PLCL2: variants seen among roughly 807,000 people sequenced by gnomAD.
The protein encoded by PLCL2 is inactive phospholipase C-like protein 2.
PLCL2 carries 4 observed loss-of-function variants against 79.6 expected under a neutral mutation model. The observed-to-expected ratio is 0.05, with a 90% CI of 0.02 to 0.11. The LOEUF (loss-of-function observed/expected upper bound fraction) is 0.11, where lower values mean the gene tolerates loss of function less well. PLCL2 is among the 10% of genes least tolerant of loss of function. The probability of loss-of-function intolerance (pLI) is 1.00; values close to 1 mark genes in which losing one functional copy is unlikely to be tolerated. For missense variants in PLCL2, 895 were observed against 1,291.0 expected (o/e 0.69, Z 4.70); for synonymous variants, 484 against 457.7 (o/e 1.06, Z -0.73).
chr3:17,040,078 A>C lies in PLCL2; in HGVS notation c.3019-2796A>C, dbSNP rs59088532. ...CCACCTTTTTAGTTATTCTTTGTGC[A>C]TCTGTTTTATTTCTGTACCATAGTC... On this transcript the variant is annotated intron_variant, in intron 3 of 5. Coordinates refer to ENST00000615277, the MANE Select transcript of PLCL2 (RefSeq NM_001144382.2). Among the ~76,000 whole-genome samples, 617 of 152,286 alleles carry C rather than the reference A, an allele frequency of 4.1e-3. 6 individuals carry two copies. The highest frequency in any genetic ancestry group is 0.014 in the African/African-American group (584 of 41,566).
At chr3:16,962,249 AT>A (rs2063762071) in intron 1 of PLCL2, among the ~76,000 whole-genome samples, 1 of 152,172 alleles carries the variant, frequency 6.6e-6, no homozygotes, top group South Asian at 2.1e-4. Flanking sequence ...TGATCAGTTG[AT>A]TTAGTATGAA....
rs2064121355 is a variant in PLCL2 at position 16,993,204 on chromosome 3, A to T, written c.328-16470A>T. On this transcript the variant is annotated intron_variant, in intron 1 of 5. Coordinates refer to ENST00000615277, the MANE Select transcript of PLCL2 (RefSeq NM_001144382.2). ...TTCAGGTAGGATGATCATATGTTTC[A>T]GTTTGCCCAGGGCAGTCCCTGTTGA... Among the ~76,000 whole-genome samples the T allele has an allele frequency of 2.6e-5, 4 of 152,318 alleles. No individual in the cohort carries two copies. The South Asian group carries it at 8.3e-4, about 32-fold the overall frequency.
At chr3:16,959,827 C>T (rs774543078) in intron 1 of PLCL2, among the ~76,000 whole-genome samples, 4 of 152,162 alleles carry the variant, frequency 2.6e-5, no homozygotes, top group South Asian at 2.1e-4. Flanking sequence ...GAAGGTCCAC[C>T]GGGTGCTGTG....
rs2065259105 is a variant in PLCL2 at position 17,090,200 on chromosome 3, C to A, written c.*288C>A. The stretch of plus-strand genomic sequence containing the variant: ...TGAAGAAAGATTATTCACTCTAGCT[C>A]CACTGAGAAACATTTTCCTAAGTGA... On this transcript the variant is annotated 3_prime_UTR_variant, in exon 6 of 6. Transcript: ENST00000615277. 1.9e-6 allele frequency: 2 copies of A among 1,071,794 alleles called. No homozygotes were observed. Among genetic ancestry groups the A allele is most frequent in the Admixed American group, 5.1e-5 (1 of 19,418 alleles). The allele number at this position is 1,071,794 out of a possible 1,614,324, so 66.4% of individuals were successfully genotyped here. A position where few individuals can be genotyped will look rare whatever the true frequency, so the allele number is the denominator to read the frequency against.
intron 1 of PLCL2, among the ~76,000 whole-genome samples, chr3:16,995,351 G>C (rs1238478252): frequency 6.6e-6 from 1 of 152,236 alleles, no homozygotes. Context: ...TGCACACAAA[G>C]GGGAAATGCA....
chr3:17,080,388 A>G (rs183720863), intron 5 of PLCL2, among the ~76,000 whole-genome samples: 1 of 152,292 alleles, frequency 6.6e-6, no homozygotes, highest in East Asian at 1.9e-4. Flanking sequence ...TGAAAGGGGA[A>G]CTATCAATGT....
chr3:16,920,700 A>G (rs982285895), intron 1 of PLCL2, among the ~76,000 whole-genome samples: 1 of 152,198 alleles, frequency 6.6e-6, no homozygotes, highest in African/African-American at 2.4e-5. Context: ...TTTTAAAACT[A>G]TATTTTCTTC....
intron 4 of PLCL2, among the ~76,000 whole-genome samples, chr3:17,059,147 T>TAA (rs1323194703): frequency 2.0e-5 from 3 of 152,172 alleles, no homozygotes; most frequent in Non-Finnish European, 4.4e-5. Flanking sequence ...ACTTAAATGC[T>TAA]TACCAGGAGG....
At position 17,042,948 on chromosome 3, in the gene PLCL2, A is replaced by T. The variant is rs764932441; in HGVS notation, c.3093A>T (p.Ala1031=). The stretch of plus-strand genomic sequence containing the variant: ...AAAAGATCGTACATTGTCAGAAGGC[A>T]GGTAAGTGAAAGTTTGTTTCCTCTC... ...VYEKIVHCQK[A]AMEFHEHLHS... Residue 1031 remains alanine (A), a splice_region_variant and synonymous_variant, in exon 4 of 6, where the codon GCA becomes GCT. Transcript: ENST00000615277. 3 of 1,603,520 alleles carry T rather than the reference A, an allele frequency of 1.9e-6. No homozygotes were observed. The highest frequency in any genetic ancestry group is 2.6e-6 in the Non-Finnish European group (3 of 1,170,602).
chr3:16,906,061 C>T (rs564494911), intron 1 of PLCL2, among the ~76,000 whole-genome samples: 4 of 151,198 alleles, frequency 2.6e-5, no homozygotes, highest in Non-Finnish European at 5.9e-5. Flanking sequence ...GCTCCTTCCT[C>T]CATAAAAAAA....
chr3:17,072,606 T>G (rs1441960944), intron 5 of PLCL2, among the ~76,000 whole-genome samples: 1 of 150,954 alleles, frequency 6.6e-6, no homozygotes, highest in African/African-American at 2.4e-5. Context: ...GAGGCGGAGG[T>G]TGCAGTGAGC....
At chr3:17,025,289 C>A (rs1373941607) in intron 3 of PLCL2, among the ~76,000 whole-genome samples, 1 of 152,118 alleles carries the variant, frequency 6.6e-6, no homozygotes, top group Non-Finnish European at 1.5e-5. Flanking sequence ...TCTATTGCCA[C>A]CCATTCTTAT....
chr3:16,946,635 T>C (rs1345534944), intron 1 of PLCL2, among the ~76,000 whole-genome samples: 1 of 152,200 alleles, frequency 6.6e-6, no homozygotes, highest in African/African-American at 2.4e-5. Flanking sequence ...ACTTTTGGAA[T>C]GCAACTTAAT....
chr3:16,941,723 G>T (rs150349036), intron 1 of PLCL2, among the ~76,000 whole-genome samples: 1 of 151,986 alleles, frequency 6.6e-6, no homozygotes, highest in Admixed American at 6.6e-5. Flanking sequence ...CCATAGCACC[G>T]CAACTATCTC....
At chr3:16,952,337 CACATGTATCCCAGA>C (rs2063661507) in intron 1 of PLCL2, among the ~76,000 whole-genome samples, 2 of 109,560 alleles carry the variant, frequency 1.8e-5, no homozygotes, top group African/African-American at 7.1e-5. Context: ...GCACGTTCTG[CACATGTATCCCAGA>C]ACTTAAAGCA....
intron 3 of PLCL2, among the ~76,000 whole-genome samples, chr3:17,022,504 A>G (rs1012105530): frequency 5.9e-5 from 9 of 152,202 alleles, no homozygotes; most frequent in Non-Finnish European, 7.3e-5. Flanking sequence ...AAATTTAAAA[A>G]AAAGAAAGAA....
chr3:17,068,456 T>C (rs2065031335), intron 5 of PLCL2, among the ~76,000 whole-genome samples: 1 of 152,196 alleles, frequency 6.6e-6, no homozygotes, highest in African/African-American at 2.4e-5. Flanking sequence ...AAAGTGTAAT[T>C]ATGGCTATAA....
chr3:16,982,280 T>C (rs2064007544), intron 1 of PLCL2, among the ~76,000 whole-genome samples: 1 of 152,198 alleles, frequency 6.6e-6, no homozygotes, highest in Non-Finnish European at 1.5e-5. Flanking sequence ...GCCCTCTTTT[T>C]CATCGTATCA....
At chr3:17,012,905 T>G (rs2064342200) in intron 2 of PLCL2, among the ~76,000 whole-genome samples, 1 of 152,180 alleles carries the variant, frequency 6.6e-6, no homozygotes, top group Non-Finnish European at 1.5e-5. Flanking sequence ...GTGTGTGTGA[T>G]AAGTGCTCCA....
Sources: allele counts gnomAD v4.1 joint callset (sites outside exome capture counted in the v4.1 genomes callset), GRCh38; gene constraint gnomAD v4.1.1; transcripts MANE v1.5; gene names NCBI Gene and HGNC (gene_info 2026-07-23, HGNC 2026-07-21).